ZNF704: variants seen among roughly 807,000 people sequenced by gnomAD.
The protein encoded by ZNF704 is zinc finger protein 704, also known as glucocorticoid induced gene 1.
A neutral mutation model predicts 44.7 loss-of-function variants in ZNF704; 10 were observed. That is an observed-to-expected ratio of 0.22 (90% CI 0.14 to 0.38). The LOEUF is 0.38. ZNF704 is among the 10% of genes least tolerant of loss of function. ZNF704 has a pLI of 1.00. For synonymous variants in ZNF704, 211 were observed against 207.6 expected, an observed-to-expected ratio of 1.02 and a Z score of -0.14; for missense variants, 390 against 545.5, an observed-to-expected ratio of 0.71 and a Z score of 2.84.
chr8:80,674,085 A>G (rs1015564860), intron 4 of ZNF704, among the ~76,000 whole-genome samples: 10 of 152,236 alleles, frequency 6.6e-5, no homozygotes, highest in African/African-American at 2.2e-4. Context: ...GCGGAGAAGC[A>G]AAGACACAAT....
intron 2 of ZNF704, among the ~76,000 whole-genome samples, chr8:80,717,491 G>A (rs1241584137): frequency 6.6e-6 from 1 of 152,230 alleles, no homozygotes; most frequent in African/African-American, 2.4e-5. Context: ...AATGGAAATA[G>A]TAATACCTGC....
chr8:80,677,194 C>T (rs1818382122), intron 4 of ZNF704, among the ~76,000 whole-genome samples: 1 of 152,158 alleles, frequency 6.6e-6, no homozygotes, highest in Non-Finnish European at 1.5e-5. Context: ...ATTCCTCCTA[C>T]ATCATGGGAC....
chr8:80,738,528 A>T (rs1183353313), intron 2 of ZNF704, among the ~76,000 whole-genome samples: 1 of 152,028 alleles, frequency 6.6e-6, no homozygotes, highest in African/African-American at 2.4e-5. Context: ...TGACACAGCT[A>T]GCGAGACTTG....
At chr8:80,826,096 T>C (rs1003375142) in intron 1 of ZNF704, among the ~76,000 whole-genome samples, 3 of 151,664 alleles carry the variant, frequency 2.0e-5, no homozygotes, top group South Asian at 2.1e-4. Context: ...CTGAAAGAAA[T>C]AGAGACACAA....
intron 2 of ZNF704, among the ~76,000 whole-genome samples, chr8:80,729,632 C>T (rs1806542950): frequency 6.6e-6 from 1 of 152,158 alleles, no homozygotes; most frequent in Non-Finnish European, 1.5e-5. Flanking sequence ...TTCACCAGAA[C>T]CAGTTTCACT....
chr8:80,856,962 T>C (rs968552013), intron 1 of ZNF704, among the ~76,000 whole-genome samples: 6 of 152,204 alleles, frequency 3.9e-5, no homozygotes, highest in Admixed American at 3.3e-4. Context: ...ATCTTAACCA[T>C]ATTAAGTTTC....
Position 80,860,352 on chromosome 8 carries a change from T to C in ZNF704, c.-22+14219A>G, listed in dbSNP as rs188478955. Among the ~76,000 whole-genome samples, 670 of 152,334 alleles carry C rather than the reference T, an allele frequency of 4.4e-3. 7 individuals carry two copies. The highest frequency in any genetic ancestry group is 0.015 in the African/African-American group (639 of 41,574). On this transcript the variant is annotated intron_variant, in intron 1 of 8. Transcript: ENST00000327835. ...GGAATAGAACACACTGGGTGATGTG[T>C]GCCTGACTGTGAGTCCAGTCTTTCC...
intron 2 of ZNF704, among the ~76,000 whole-genome samples, chr8:80,727,718 T>C (rs1236878524): frequency 2.6e-5 from 4 of 152,070 alleles, no homozygotes; most frequent in African/African-American, 7.2e-5. Flanking sequence ...CAGTGCAAAT[T>C]AGGATGACAT....
At chr8:80,815,370 TTAC>T (rs1808159440) in intron 2 of ZNF704, among the ~76,000 whole-genome samples, 4 of 152,218 alleles carry the variant, frequency 2.6e-5, no homozygotes, top group Admixed American at 2.0e-4. Context: ...TAGAAGACAG[TTAC>T]TACTTTGCAT....
At chr8:80,709,756 G>A (rs1818956182) in intron 2 of ZNF704, among the ~76,000 whole-genome samples, 1 of 152,146 alleles carries the variant, frequency 6.6e-6, no homozygotes. Context: ...AGGTAGGATA[G>A]CCTGCTCTAC....
At chr8:80,752,214 A>G (rs189200451) in intron 2 of ZNF704, among the ~76,000 whole-genome samples, 5 of 152,292 alleles carry the variant, frequency 3.3e-5, no homozygotes, top group African/African-American at 1.2e-4. Context: ...ACTTTGCAGT[A>G]TTTCCTTAGG....
At position 80,690,287 on chromosome 8, in the gene ZNF704, C is replaced by T. The variant is rs539130513; in HGVS notation, c.325+2717G>A. On this transcript the variant is annotated intron_variant, in intron 3 of 8. Transcript: ENST00000327835. ...TCTGACCTTTAAGTACAAAGGAACA[C>T]TAAAAATGTTCTCAATTAAAAAATG... is the stretch of plus-strand genomic sequence containing the variant. Among the ~76,000 whole-genome samples, 275 of 152,212 alleles carry T rather than the reference C, an allele frequency of 1.8e-3. 1 individual carries two copies. Among genetic ancestry groups the T allele is most frequent in the African/African-American group, 6.2e-3 (258 of 41,546 alleles).
chr8:80,863,797 T>C (rs1809108914), intron 1 of ZNF704, among the ~76,000 whole-genome samples: 1 of 152,234 alleles, frequency 6.6e-6, no homozygotes, highest in Non-Finnish European at 1.5e-5. Context: ...AATGTATCAG[T>C]CCTAGAATCC....
At chr8:80,825,994 C>T (rs1808364876) in intron 1 of ZNF704, among the ~76,000 whole-genome samples, 2 of 152,088 alleles carry the variant, frequency 1.3e-5, no homozygotes, top group South Asian at 4.1e-4. Context: ...AAAATTGACA[C>T]CCTAACATCA....
intron 8 of ZNF704, among the ~76,000 whole-genome samples, chr8:80,641,786 G>A (rs139684628): frequency 0.022 from 3,279 of 152,158 alleles, 61 homozygotes; most frequent in Non-Finnish European, 0.034. Context: ...ACTTGAACCC[G>A]GGAGGTGGAG....
At chr8:80,794,304 A>C (rs552991793) in intron 2 of ZNF704, among the ~76,000 whole-genome samples, 2 of 152,254 alleles carry the variant, frequency 1.3e-5, no homozygotes, top group South Asian at 4.1e-4. Flanking sequence ...GAGCTTCTTC[A>C]ATTTTGTTGG....
rs187470524 is a variant in ZNF704, at chr8:80,782,662, G to A, written c.221+38712C>T. On this transcript the variant is annotated intron_variant, in intron 2 of 8. Transcript: ENST00000327835. ...GGGAGTGTAACCAGAAGAGGAGGAC[G>A]ACCAGGGTAAGAAAGAGCCTGAAAA... Among the ~76,000 whole-genome samples, 296 of 152,226 alleles carry A rather than the reference G, an allele frequency of 1.9e-3. 1 individual carries two copies. The highest frequency in any genetic ancestry group is 6.8e-3 in the African/African-American group (284 of 41,538).
At chr8:80,839,657 C>A in intron 1 of ZNF704, among the ~76,000 whole-genome samples, 1 of 152,184 alleles carries the variant, frequency 6.6e-6, no homozygotes, top group East Asian at 1.9e-4. Context: ...ACGCTTCCTG[C>A]TTCAACACTG....
intron 7 of ZNF704, among the ~76,000 whole-genome samples, chr8:80,648,924 C>T (rs1000609653): frequency 3.3e-5 from 5 of 152,152 alleles, no homozygotes; most frequent in Non-Finnish European, 7.4e-5. Flanking sequence ...TGCACTCTTC[C>T]ATCCTGCCAT....
Sources: allele counts gnomAD v4.1 joint callset (sites outside exome capture counted in the v4.1 genomes callset), GRCh38; gene constraint gnomAD v4.1.1; transcripts MANE v1.5; gene names NCBI Gene and HGNC (gene_info 2026-07-23, HGNC 2026-07-21).